Variants in UBE2E2 observed in about 807,000 individuals in gnomAD.
UBE2E2 encodes ubiquitin-conjugating enzyme E2 E2.
UBE2E2 carries 6 observed loss-of-function variants against 24.7 expected under a neutral mutation model. That is an observed-to-expected ratio of 0.24 (90% CI 0.13 to 0.48). The LOEUF (loss-of-function observed/expected upper bound fraction) is 0.48. Ranked by LOEUF, UBE2E2 falls within the 20% of genes least tolerant of loss-of-function variation. The pLI is 0.99. For synonymous variants in UBE2E2, 104 were observed against 83.6 expected, an observed-to-expected ratio of 1.24 and a Z score of -1.33; for missense variants, 169 against 245.0, an observed-to-expected ratio of 0.69 and a Z score of 2.07.
At chr3:23,518,363 A>G (rs1299942253) in intron 4 of UBE2E2, among the ~76,000 whole-genome samples, 1 of 152,234 alleles carries the variant, frequency 6.6e-6, no homozygotes, top group Non-Finnish European at 1.5e-5. Flanking sequence ...CCAGGTAGTT[A>G]CCATTAGATA....
chr3:23,478,038 T>G (rs77096585), intron 3 of UBE2E2, among the ~76,000 whole-genome samples: 4,404 of 152,338 alleles, frequency 0.029, 109 homozygotes, highest in East Asian at 0.13. Flanking sequence ...ATTAAACCTC[T>G]CCTCCATAAA....
chr3:23,453,556 A>T (rs1411887525), intron 3 of UBE2E2, among the ~76,000 whole-genome samples: 1 of 152,182 alleles, frequency 6.6e-6, no homozygotes, highest in East Asian at 1.9e-4. Flanking sequence ...ATCTTTGAAG[A>T]CTAGAACTGA....
At chr3:23,551,725 C>T (rs1412765480) in intron 5 of UBE2E2, among the ~76,000 whole-genome samples, 16 of 152,058 alleles carry the variant, frequency 1.1e-4, no homozygotes, top group Admixed American at 1.0e-3. Flanking sequence ...ACTAGAGGGC[C>T]TTGCATGGTG....
chr3:23,249,028 T>G (rs964111723), intron 3 of UBE2E2, among the ~76,000 whole-genome samples: 1 of 152,176 alleles, frequency 6.6e-6, no homozygotes, highest in Non-Finnish European at 1.5e-5. Flanking sequence ...TCTAGCACTT[T>G]GAGAGGCTGA....
At chr3:23,403,397 C>A (rs1429359588) in intron 3 of UBE2E2, among the ~76,000 whole-genome samples, 1 of 152,182 alleles carries the variant, frequency 6.6e-6, no homozygotes, top group East Asian at 1.9e-4. Flanking sequence ...TCAAACGATA[C>A]AACACTCTAT....
chr3:23,575,329 C>G (rs2125515170), intron 5 of UBE2E2, among the ~76,000 whole-genome samples: 1 of 152,286 alleles, frequency 6.6e-6, no homozygotes, highest in East Asian at 1.9e-4. Flanking sequence ...TCTTTGATCT[C>G]TACAAGTTCA....
chr3:23,223,658 T>C (rs971984034), intron 3 of UBE2E2, among the ~76,000 whole-genome samples: 2 of 152,224 alleles, frequency 1.3e-5, no homozygotes, highest in African/African-American at 4.8e-5. Context: ...TTTCCTTTGC[T>C]GTGCAGAAGC....
rs1696547536 is a variant in UBE2E2, at chr3:23,583,984, G to C, written c.509-5750G>C. On this transcript the variant is annotated intron_variant, in intron 5 of 5. Coordinates refer to ENST00000396703, the MANE Select transcript of UBE2E2 (RefSeq NM_152653.4). The surrounding 1 kb of genome is among the most constrained non-coding windows in gnomAD (Gnocchi z 4.1). ...AGGAGTAGTGAGAGAGGGCATCCTT[G>C]ATTTGTTCTGGATTTCAAAAGGGGT... Among the ~76,000 whole-genome samples, 1 of 152,198 alleles carries C rather than the reference G, an allele frequency of 6.6e-6. No individual in the cohort carries two copies. Among genetic ancestry groups the C allele is most frequent in the Non-Finnish European group, 1.5e-5 (1 of 68,032 alleles).
chr3:23,239,911 TAGTA>T (rs925451034), intron 3 of UBE2E2, among the ~76,000 whole-genome samples: 4 of 152,186 alleles, frequency 2.6e-5, no homozygotes, highest in Non-Finnish European at 5.9e-5. Context: ...AGCTTTTGCT[TAGTA>T]TGATTTATTC....
rs945368613 is a variant in UBE2E2, at chr3:23,304,254, A to C, written c.227+86942A>C. On this transcript the variant is annotated intron_variant, in intron 3 of 5. Coordinates refer to ENST00000396703, the MANE Select transcript of UBE2E2 (RefSeq NM_152653.4). ...AAATATTTTCAAATAAAGATCGTGGAATCAAAAACATAGAGACCTTTTAAG... is the reference window on the plus strand; with the variant it reads ...AAATATTTTCAAATAAAGATCGTGGCATCAAAAACATAGAGACCTTTTAAG... Among the ~76,000 whole-genome samples the C allele has an allele frequency of 2.0e-5, 3 of 152,198 alleles. No individual in the cohort carries two copies. The East Asian group carries it at 5.8e-4, about 29-fold the overall frequency.
rs968405903 is a variant in UBE2E2, at chr3:23,403,539, G to C, written c.228-96069G>C. 3.5e-4 allele frequency among the ~76,000 whole-genome samples: 53 copies of C among 152,220 alleles called. 1 individual carries two copies. Among genetic ancestry groups the C allele is most frequent in the African/African-American group, 1.0e-3 (42 of 41,544 alleles). ...TATATGCATTAAATGTCATTGTAGG[G>C]GCTGGGCACAGTGGCTCATGCCTGT... On this transcript the variant is annotated intron_variant, in intron 3 of 5. Transcript: ENST00000396703.
intron 3 of UBE2E2, among the ~76,000 whole-genome samples, chr3:23,332,903 A>T (rs948381170): frequency 8.5e-5 from 13 of 152,206 alleles, no homozygotes; most frequent in Admixed American, 6.6e-5. Flanking sequence ...ACACTTCTAA[A>T]AAGTGATGAC....
intron 3 of UBE2E2, among the ~76,000 whole-genome samples, chr3:23,305,198 A>G (rs1275006531): frequency 1.3e-5 from 2 of 152,242 alleles, no homozygotes; most frequent in African/African-American, 2.4e-5. Flanking sequence ...TTTCAGAAGT[A>G]TCAGCTGAAT....
chr3:23,344,164 C>A (rs1695480189), intron 3 of UBE2E2, among the ~76,000 whole-genome samples: 1 of 151,978 alleles, frequency 6.6e-6, no homozygotes, highest in Non-Finnish European at 1.5e-5. Context: ...GATGTCTAAT[C>A]ATGTTATTGA....
intron 5 of UBE2E2, among the ~76,000 whole-genome samples, chr3:23,555,833 A>G (rs137905340): frequency 5.3e-4 from 80 of 152,342 alleles, no homozygotes; most frequent in African/African-American, 1.8e-3. Context: ...GGTCAACTAT[A>G]TAAAGATAGC....
chr3:23,443,223 C>G (rs186364643), intron 3 of UBE2E2, among the ~76,000 whole-genome samples: 47 of 152,244 alleles, frequency 3.1e-4, no homozygotes, highest in Admixed American at 1.4e-3. Flanking sequence ...AGAGGAATGA[C>G]CTCAAATATC....
At position 23,280,327 on chromosome 3, in the gene UBE2E2, C is replaced by T. The variant is rs115623060; in HGVS notation, c.227+63015C>T. On this transcript the variant is annotated intron_variant, in intron 3 of 5. Coordinates refer to ENST00000396703, the MANE Select transcript of UBE2E2 (RefSeq NM_152653.4). The surrounding 1 kb of genome is among the most constrained non-coding windows in gnomAD (Gnocchi z 4.3). ...TTTAGTGGTGAGAGTCTTAAGAGTACTAGTATTCTTTGGGAAACAAATGTT... is the reference window on the plus strand; with the variant it reads ...TTTAGTGGTGAGAGTCTTAAGAGTATTAGTATTCTTTGGGAAACAAATGTT... 0.01 allele frequency among the ~76,000 whole-genome samples: 1,550 copies of T among 152,220 alleles called. 33 individuals carry two copies. Among genetic ancestry groups the T allele is most frequent in the African/African-American group, 0.036 (1,494 of 41,520 alleles).
At chr3:23,348,289 G>A (rs373889400) in intron 3 of UBE2E2, among the ~76,000 whole-genome samples, 1 of 150,772 alleles carries the variant, frequency 6.6e-6, no homozygotes, top group Admixed American at 6.7e-5. Context: ...ATTCTGTGAT[G>A]GGGGAACAGG....
intron 3 of UBE2E2, among the ~76,000 whole-genome samples, chr3:23,218,967 G>A (rs908862062): frequency 6.6e-6 from 1 of 152,112 alleles, no homozygotes; most frequent in Non-Finnish European, 1.5e-5. Flanking sequence ...CATAAATAGA[G>A]CAAAATGTGT....
Sources: allele counts gnomAD v4.1 joint callset (sites outside exome capture counted in the v4.1 genomes callset), GRCh38; gene constraint gnomAD v4.1.1; non-coding constraint Gnocchi (gnomAD v3.1); transcripts MANE v1.5; gene names NCBI Gene and HGNC (gene_info 2026-07-23, HGNC 2026-07-21).